The following HSF1 variants were observed in gnomAD, a reference collection of about 807,000 sequenced individuals.
HSF1 encodes the protein heat shock transcription factor 1, also known as heat shock factor protein 1.
Under a neutral mutation model 51.7 loss-of-function variants are expected in HSF1, and 32 were observed. The ratio of observed to expected loss-of-function variants is 0.62; its 90% confidence interval spans 0.47 to 0.83. HSF1 has a LOEUF of 0.83. Among genes scored for constraint, HSF1 ranks in the 40% least tolerant of loss-of-function variants. The pLI is 0.00. For missense variants in HSF1, 727 were observed against 717.0 expected (o/e 1.01, Z -0.16); for synonymous variants, 396 against 309.7 (o/e 1.28, Z -2.92).
At chr8:144,302,768 G>A (rs904378264) in intron 1 of HSF1, among the ~76,000 whole-genome samples, 1 of 152,026 alleles carries the variant, frequency 6.6e-6, no homozygotes, top group East Asian at 1.9e-4. Context: ...GTTGCAGTGA[G>A]CCCAGATCGC....
chr8:144,308,353 T>C (rs148922772), intron 1 of HSF1, among the ~76,000 whole-genome samples: 27 of 152,314 alleles, frequency 1.8e-4, no homozygotes, highest in African/African-American at 6.3e-4. Context: ...AAGAGGAAGG[T>C]ATATGCAGTG....
In HSF1 at chr8:144,312,211, C is replaced by G. The variant is rs886484608; in HGVS notation, c.1109C>G (p.Pro370Arg). Residue 370 changes from proline (P) to arginine (R), a missense_variant, in exon 9 of 13, where the codon CCT (proline) becomes CGT (arginine). Physicochemically the swap from Pro to Arg is moderately radical, Grantham distance 103. This residue lies in a region of HSF1 where 470 missense variants were observed against 398.8 expected (regional missense o/e 1.18). Coordinates refer to ENST00000528838, the MANE Select transcript of HSF1 (RefSeq NM_005526.4). ...RPPSPPPTSTPEKCLSVACLD... is the reference protein window; with the variant it reads ...RPPSPPPTSTREKCLSVACLD... ...CCCTCCCCCCCGCCCACCTCCACCC[C>G]TGAAAAGTGCCTCAGCGTAGCCTGC... 1 of 1,596,028 alleles carries G rather than the reference C, an allele frequency of 6.3e-7. No homozygotes were observed. The highest frequency in any genetic ancestry group is 1.4e-5 in the African/African-American group (1 of 73,560).
intron 9 of HSF1, chr8:144,312,901 G>A (rs1816784777): frequency 3.3e-6 from 2 of 606,008 alleles, no homozygotes; most frequent in Admixed American, 2.8e-5. Flanking sequence ...GTCATTGCCT[G>A]TGACAGGGAT....
Position 144,291,873 on chromosome 8 carries a change from C to T in HSF1, c.116C>T (p.Pro39Leu), listed in dbSNP as rs782222173. The change falls in exon 1 of 13, where the codon CCG (proline) becomes CTG (leucine). Residue 39 changes from proline (P) to leucine (L), a missense_variant and splice_region_variant. By Grantham distance (98) the Pro-to-Leu change is moderately conservative (BLOSUM62 -3). This residue lies in a region of HSF1 where 257 missense variants were observed against 318.3 expected (regional missense o/e 0.81). Transcript: ENST00000528838. The surrounding 1 kb of genome is among the most constrained non-coding windows in gnomAD (Gnocchi z 4.1). ...PDTDALICWSPSGNSFHVFDQ... is the reference protein window; with the variant it reads ...PDTDALICWSLSGNSFHVFDQ... ...ACCGACGCGCTCATCTGCTGGAGCC[C>T]GGTGAGGGCAGCGCGCGGGCGCGGG... 13 of 1,523,234 alleles carry T rather than the reference C, an allele frequency of 8.5e-6. No homozygotes were observed. Among genetic ancestry groups the T allele is most frequent in the African/African-American group, 4.3e-5 (3 of 69,284 alleles). The allele number at this position is 1,523,234 out of a possible 1,614,324, so 94.4% of individuals were successfully genotyped here. A position where few individuals can be genotyped will look rare whatever the true frequency, so the allele number is the denominator to read the frequency against.
intron 1 of HSF1, among the ~76,000 whole-genome samples, chr8:144,293,138 A>G (rs1815214043): frequency 6.6e-6 from 1 of 152,216 alleles, no homozygotes; most frequent in African/African-American, 2.4e-5. Context: ...AGAAAAGTCT[A>G]AACTGAAGCT....
Position 144,312,185 on chromosome 8 carries a change from T to TGGCCAAC in HSF1, c.1083_1084insGGCCAAC (p.Pro362GlyfsTer12). On this transcript the variant is annotated frameshift_variant, in exon 9 of 13. Transcript: ENST00000528838. LOFTEE classifies it high-confidence loss of function. ...GCCACACGGACACCGAGGGCCGGCC[T>TGGCCAAC]CCCTCCCCCCCGCCCACCTCCACCC... 6.5e-7 allele frequency: 1 copy of TGGCCAAC among 1,532,956 alleles called. No homozygotes were observed. The highest frequency in any genetic ancestry group is 8.9e-7 in the Non-Finnish European group (1 of 1,117,516). 95.0% of individuals were successfully genotyped at this position (1,532,956 alleles called of 1,614,324 possible).
chr8:144,304,166 T>C (rs2130381945), intron 1 of HSF1, among the ~76,000 whole-genome samples: 1 of 152,264 alleles, frequency 6.6e-6, no homozygotes, highest in East Asian at 1.9e-4. Flanking sequence ...CCCATCTTCC[T>C]GCTCCCCTCT....
chr8:144,313,660 G>GCGCCGCCTCC (rs1554419999), intron 10 of HSF1, 44 bp downstream of exon 10: 2 of 107,802 alleles, frequency 1.9e-5, no homozygotes, highest in Admixed American at 1.4e-4. Flanking sequence ...CCGCCTCCCC[G>GCGCCGCCTCC]CCGCGCCGCC....
At chr8:144,305,889 C>T (rs782066421) in intron 1 of HSF1, among the ~76,000 whole-genome samples, 33 of 151,872 alleles carry the variant, frequency 2.2e-4, no homozygotes, top group Non-Finnish European at 3.8e-4. Context: ...TGAGCCACCA[C>T]ACCTGGCTAA....
intron 9 of HSF1, 145 bp from the exon 10 acceptor site, chr8:144,313,366 G>A (rs1816815594): frequency 9.9e-6 from 6 of 604,324 alleles, no homozygotes; most frequent in Admixed American, 8.2e-5. Flanking sequence ...GGCCGTCCTC[G>A]AATGCGCTGC....
chr8:144,304,721 A>T (rs1816102655), intron 1 of HSF1, among the ~76,000 whole-genome samples: 1 of 152,160 alleles, frequency 6.6e-6, no homozygotes. Flanking sequence ...ATCTGTGCTC[A>T]CTACAACTTC....
intron 1 of HSF1, among the ~76,000 whole-genome samples, chr8:144,295,677 G>C (rs1341080201): frequency 9.3e-5 from 14 of 151,318 alleles, no homozygotes; most frequent in African/African-American, 3.2e-4. Context: ...CCTCAGCTGA[G>C]TCACTGGGAC....
Position 144,309,833 on chromosome 8 carries a change from C to G in HSF1, c.425C>G (p.Thr142Arg). ...IRQDSVTKLL[T>R]DVQLMKGKQE... The stretch of plus-strand genomic sequence containing the variant: ...CAGGACAGCGTCACCAAGCTGCTGA[C>G]GGACGTGCAGCTGATGAAGGGGAAG... The change falls in exon 4 of 13, where the codon ACG (threonine) becomes AGG (arginine). Residue 142 changes from threonine (T) to arginine (R), a missense_variant. Physicochemically the swap from Thr to Arg is moderately conservative, Grantham distance 71. This residue lies in a region of HSF1 where 257 missense variants were observed against 318.3 expected (regional missense o/e 0.81). Transcript: ENST00000528838. 2 of 1,613,868 alleles carry G rather than the reference C, an allele frequency of 1.2e-6. No individual in the cohort carries two copies. Among genetic ancestry groups the G allele is most frequent in the Non-Finnish European group, 1.7e-6 (2 of 1,179,918 alleles).
In HSF1 at chr8:144,314,199, G is replaced by C; in HGVS notation, c.1459G>C (p.Asp487His). The change falls in exon 13 of 13, where the codon GAC becomes CAC. Residue 487 changes from aspartate (D) to histidine (H), a missense_variant. Around this residue, in one of 2 missense-constraint regions of HSF1, gnomAD observed 470 missense variants for 398.8 expected, o/e 1.18. Transcript: ENST00000528838. ...CGGCTCCGTGGACACCGGGAGCAAC[G>C]ACCTGCCGGTGCTGTTTGAGCTGGG... Reference protein sequence around the residue: ...DPGSVDTGSNDLPVLFELGEG... With the variant: ...DPGSVDTGSNHLPVLFELGEG... 6.5e-7 allele frequency: 1 copy of C among 1,548,934 alleles called. No individual in the cohort carries two copies. The highest frequency in any genetic ancestry group is 8.7e-7 in the Non-Finnish European group (1 of 1,146,466).
intron 1 of HSF1, among the ~76,000 whole-genome samples, chr8:144,304,878 A>T (rs1388692088): frequency 6.7e-6 from 1 of 149,988 alleles, no homozygotes; most frequent in Non-Finnish European, 1.5e-5. Context: ...ACCTCAAACG[A>T]TCCACACACC....
chr8:144,305,167 G>A (rs1554843080), intron 1 of HSF1, among the ~76,000 whole-genome samples: 2 of 151,880 alleles, frequency 1.3e-5, no homozygotes, highest in Non-Finnish European at 2.9e-5. Flanking sequence ...GGCTGGTCTC[G>A]AATTCCTAAC....
chr8:144,301,515 T>A (rs1488042086), intron 1 of HSF1, among the ~76,000 whole-genome samples: 1 of 151,994 alleles, frequency 6.6e-6, no homozygotes, highest in Non-Finnish European at 1.5e-5. Context: ...CAAAACCATA[T>A]CAAGGTACAT....
At chr8:144,302,893 A>C (rs952963481) in intron 1 of HSF1, among the ~76,000 whole-genome samples, 2 of 152,080 alleles carry the variant, frequency 1.3e-5, no homozygotes, top group Admixed American at 1.3e-4. Flanking sequence ...AATAGCAAAT[A>C]AGCACTTGAA....
intron 1 of HSF1, among the ~76,000 whole-genome samples, chr8:144,302,200 A>C (rs1169729029): frequency 6.6e-6 from 1 of 151,124 alleles, no homozygotes; most frequent in Non-Finnish European, 1.5e-5. Context: ...ACTCAGGAAG[A>C]CAACCATTTA....
Sources: allele counts gnomAD v4.1 joint callset (sites outside exome capture counted in the v4.1 genomes callset), GRCh38; gene constraint gnomAD v4.1.1; regional missense constraint gnomAD v4.1.1; non-coding constraint Gnocchi (gnomAD v3.1); transcripts MANE v1.5; gene names NCBI Gene and HGNC (gene_info 2026-07-23, HGNC 2026-07-21).